SMOC2: variants seen among roughly 807,000 people sequenced by gnomAD.
The protein encoded by SMOC2 is SPARC-related modular calcium-binding protein 2.
Under a neutral mutation model 61.4 loss-of-function variants are expected in SMOC2, and 39 were observed. The observed-to-expected ratio is 0.64, with a 90% CI of 0.49 to 0.83. SMOC2 has a LOEUF of 0.83. Among genes scored for constraint, SMOC2 ranks in the 40% least tolerant of loss-of-function variants. The pLI, the probability that SMOC2 is intolerant of heterozygous loss-of-function variation, is 0.00. For synonymous variants in SMOC2, 247 were observed against 239.9 expected (o/e 1.03, Z -0.27); for missense variants, 556 against 592.9 (o/e 0.94, Z 0.65).
Position 168,616,813 on chromosome 6 carries a change from C to T in SMOC2, c.907+8574C>T, listed in dbSNP as rs762651408. 7.2e-5 allele frequency among the ~76,000 whole-genome samples: 11 copies of T among 152,270 alleles called. No homozygotes were observed. In the South Asian group the frequency reaches 2.3e-3, roughly 32 times the overall value. ...ACAGGAAGAGCAGGGACAAGGGGTG[C>T]CGAGGAGTCAAGCGGTTGGGAAAAG... On this transcript the variant is annotated intron_variant, in intron 9 of 12. Coordinates refer to ENST00000356284, the MANE Select transcript of SMOC2 (RefSeq NM_001166412.2).
At chr6:168,558,820 T>C (rs1487084030) in intron 7 of SMOC2, among the ~76,000 whole-genome samples, 1 of 151,796 alleles carries the variant, frequency 6.6e-6, no homozygotes, top group Non-Finnish European at 1.5e-5. Flanking sequence ...TGTGTGTGCG[T>C]ATGTGCATGT....
At position 168,595,077 on chromosome 6, in the gene SMOC2, C is replaced by A. The variant is rs71536621; in HGVS notation, c.638-3741C>A. ...CTAGAGGATGGCCGAGCTCCTCCTCCTTCCTGAGGCCTCACGGGCATCTTT... is the reference window on the plus strand; with the variant it reads ...CTAGAGGATGGCCGAGCTCCTCCTCATTCCTGAGGCCTCACGGGCATCTTT... On this transcript the variant is annotated intron_variant, in intron 7 of 12. Transcript: ENST00000356284. Among the ~76,000 whole-genome samples the A allele has an allele frequency of 4.3e-3, 384 of 89,594 alleles. 1 individual carries two copies. The highest frequency in any genetic ancestry group is 0.016 in the Middle Eastern group (3 of 182). 58.8% of individuals were successfully genotyped at this position (89,594 alleles called of 152,430 possible).
intron 1 of SMOC2, among the ~76,000 whole-genome samples, chr6:168,484,890 A>G (rs1782293491): frequency 6.6e-6 from 1 of 152,208 alleles, no homozygotes; most frequent in Non-Finnish European, 1.5e-5. Context: ...AAAGCTACTT[A>G]GAGTCAACAA....
chr6:168,456,135 G>A (rs903326610), intron 1 of SMOC2, among the ~76,000 whole-genome samples: 6 of 152,240 alleles, frequency 3.9e-5, no homozygotes, highest in Admixed American at 3.3e-4. Flanking sequence ...CGTGTGGGCC[G>A]ACGTCTCTTG....
At chr6:168,575,116 C>T (rs1021015818) in intron 7 of SMOC2, among the ~76,000 whole-genome samples, 2 of 152,170 alleles carry the variant, frequency 1.3e-5, no homozygotes, top group Admixed American at 1.3e-4. Context: ...TTGTGCGAAG[C>T]GCTGGGCGGG....
intron 1 of SMOC2, among the ~76,000 whole-genome samples, chr6:168,494,051 C>G (rs186985814): frequency 7.9e-5 from 12 of 152,316 alleles, no homozygotes; most frequent in Non-Finnish European, 1.3e-4. Flanking sequence ...AGTCTTTTCT[C>G]TGTTTCCATC....
chr6:168,651,432 G>C (rs1272264939), intron 10 of SMOC2, among the ~76,000 whole-genome samples: 1 of 152,092 alleles, frequency 6.6e-6, no homozygotes, highest in South Asian at 2.1e-4. Flanking sequence ...AGCCTCAGGA[G>C]AGCAGAAGAA....
chr6:168,590,091 G>A (rs1785139584), intron 7 of SMOC2, among the ~76,000 whole-genome samples: 1 of 90,524 alleles, frequency 1.1e-5, no homozygotes, highest in Non-Finnish European at 2.2e-5. Flanking sequence ...TGGTGGTCAG[G>A]TGTGGCATTA....
At position 168,584,254 on chromosome 6, in the gene SMOC2, G is replaced by A. The variant is rs139168798; in HGVS notation, c.638-14564G>A. On this transcript the variant is annotated intron_variant, in intron 7 of 12. Coordinates refer to ENST00000356284, the MANE Select transcript of SMOC2 (RefSeq NM_001166412.2). ...CCACCTGTGAGATAGCTCCTCCTGC[G>A]GACTAGACTCACACCAGTGGGAATC... 4.6e-3 allele frequency among the ~76,000 whole-genome samples: 693 copies of A among 152,272 alleles called. 4 individuals carry two copies. Among genetic ancestry groups the A allele is most frequent in the African/African-American group, 0.016 (665 of 41,546 alleles).
At chr6:168,465,367 A>G (rs775034875) in intron 1 of SMOC2, among the ~76,000 whole-genome samples, 85 of 152,170 alleles carry the variant, frequency 5.6e-4, no homozygotes, top group Non-Finnish European at 1.6e-4. Flanking sequence ...TTTCCTCCAA[A>G]ATTTCCGGGC....
chr6:168,592,599 G>A (rs868039458), intron 7 of SMOC2, among the ~76,000 whole-genome samples: 1 of 126,564 alleles, frequency 7.9e-6, no homozygotes, highest in East Asian at 2.4e-4. Context: ...CTAGAGGATC[G>A]CGGAGCTCCT....
Position 168,452,780 on chromosome 6 carries a change from A to T in SMOC2, c.84+11326A>T, listed in dbSNP as rs564545357. 1.3e-5 allele frequency among the ~76,000 whole-genome samples: 2 copies of T among 152,316 alleles called. No homozygotes were observed. The highest frequency in any genetic ancestry group is 1.3e-4 in the Admixed American group (2 of 15,306). On this transcript the variant is annotated intron_variant, in intron 1 of 12. Transcript: ENST00000356284. This position sits in a 1 kb window ranked among gnomAD's most constrained non-coding sequence, Gnocchi z 5.0. ...TTTTGTTTTGTTAAATTCCAAACATATCTGTAGGTTGTCTGGCCAACTTTA... is the reference window on the plus strand; with the variant it reads ...TTTTGTTTTGTTAAATTCCAAACATTTCTGTAGGTTGTCTGGCCAACTTTA...
intron 1 of SMOC2, among the ~76,000 whole-genome samples, chr6:168,465,047 CCA>C (rs1781797110): frequency 6.6e-6 from 1 of 152,232 alleles, no homozygotes; most frequent in Non-Finnish European, 1.5e-5. Flanking sequence ...CCACCTTGCC[CCA>C]CACAGACCTT....
chr6:168,468,339 C>T (rs907323753), intron 1 of SMOC2, among the ~76,000 whole-genome samples: 1 of 152,200 alleles, frequency 6.6e-6, no homozygotes, highest in Non-Finnish European at 1.5e-5. Flanking sequence ...AAAGTGTTGG[C>T]AGGACTTTCA....
chr6:168,564,305 C>T (rs535432189), intron 7 of SMOC2, among the ~76,000 whole-genome samples: 85 of 152,216 alleles, frequency 5.6e-4, no homozygotes, highest in Admixed American at 1.0e-3. Context: ...CTATTCTTTG[C>T]ACCCCATCTG....
intron 7 of SMOC2, among the ~76,000 whole-genome samples, chr6:168,562,364 C>A (rs376165396): frequency 1.8e-4 from 21 of 113,756 alleles, no homozygotes; most frequent in African/African-American, 8.2e-4. Context: ...TGTCATTTTC[C>A]TGCCCTGAGA....
Position 168,628,993 on chromosome 6 carries a change from G to A in SMOC2, c.907+20754G>A, listed in dbSNP as rs544456732. On this transcript the variant is annotated intron_variant, in intron 9 of 12. Transcript: ENST00000356284. Reference sequence around the variant, plus strand: ...GGGCTGCGCAGGGGTTCCACCCTCCGCGTTGGCTGGCAGGCAGGCGAGGGG... The same window carrying A: ...GGGCTGCGCAGGGGTTCCACCCTCCACGTTGGCTGGCAGGCAGGCGAGGGG... Among the ~76,000 whole-genome samples the A allele has an allele frequency of 2.6e-4, 40 of 152,330 alleles. No homozygotes were observed. In the South Asian group the frequency reaches 7.0e-3, roughly 27 times the overall value.
intron 9 of SMOC2, among the ~76,000 whole-genome samples, chr6:168,642,365 C>G (rs1786913568): frequency 6.6e-6 from 1 of 152,230 alleles, no homozygotes. Context: ...CGGTGACTGG[C>G]ACAAGTGTAG....
At chr6:168,607,347 G>A (rs566370208) in intron 8 of SMOC2, among the ~76,000 whole-genome samples, 2 of 152,284 alleles carry the variant, frequency 1.3e-5, no homozygotes, top group East Asian at 3.9e-4. Flanking sequence ...CTTGGTCAAG[G>A]GCTGCTGAAT....
Sources: allele counts gnomAD v4.1 joint callset (sites outside exome capture counted in the v4.1 genomes callset), GRCh38; gene constraint gnomAD v4.1.1; non-coding constraint Gnocchi (gnomAD v3.1); transcripts MANE v1.5; gene names NCBI Gene and HGNC (gene_info 2026-07-23, HGNC 2026-07-21).